Variants in CELF1 observed in about 807,000 individuals in gnomAD.
CELF1 encodes 50 kDa nuclear polyadenylated RNA-binding protein.
CELF1 carries 10 observed loss-of-function variants against 61.8 expected under a neutral mutation model. The observed-to-expected ratio is 0.16, with a 90% CI of 0.10 to 0.27. CELF1 has a LOEUF of 0.27. Among genes scored for constraint, CELF1 ranks in the 10% least tolerant of loss-of-function variants. The pLI, the probability that CELF1 is intolerant of heterozygous loss-of-function variation, is 1.00. For synonymous variants in CELF1, 236 were observed against 225.1 expected, an observed-to-expected ratio of 1.05 and a Z score of -0.43; for missense variants, 380 against 639.1, an observed-to-expected ratio of 0.59 and a Z score of 4.37.
intron 4 of CELF1, among the ~76,000 whole-genome samples, chr11:47,488,015 GA>G (rs1369168397): frequency 6.6e-6 from 1 of 152,132 alleles, no homozygotes; most frequent in African/African-American, 2.4e-5. Context: ...GTCATGTTCA[GA>G]AACTATTATA....
chr11:47,552,842 C>T (rs1420199993), intron 1 of CELF1, 150 bp downstream of exon 1: 3 of 395,252 alleles, frequency 7.6e-6, no homozygotes, highest in Admixed American at 4.4e-5. Flanking sequence ...GCAGCCCTAC[C>T]CCAGGACGCA....
At chr11:47,526,116 G>A (rs2096229639) in intron 1 of CELF1, among the ~76,000 whole-genome samples, 1 of 152,002 alleles carries the variant, frequency 6.6e-6, no homozygotes, top group South Asian at 2.1e-4. Context: ...GATCACCTCA[G>A]GTCCGGAGTT....
At chr11:47,559,556 C>G (rs1196167055) in intron 2 of CELF1, among the ~76,000 whole-genome samples, 1 of 152,098 alleles carries the variant, frequency 6.6e-6, no homozygotes, top group South Asian at 2.1e-4. Context: ...CACTCTGTTG[C>G]CCAGGCTGAT....
In CELF1 at chr11:47,469,788, G is replaced by A. The variant is rs1024854727; in HGVS notation, c.*2442C>T. 2.0e-5 allele frequency: 3 copies of A among 152,404 alleles called. No individual in the cohort carries two copies. The highest frequency in any genetic ancestry group is 7.2e-5 in the African/African-American group (3 of 41,588). 9.4% of individuals were successfully genotyped at this position (152,404 alleles called of 1,614,324 possible). A position where few individuals can be genotyped will look rare whatever the true frequency, so the allele number is the denominator to read the frequency against. ...AAGCCCTCAGGGTCTGGTATCAAAG[G>A]TGGGTGGATTGCACCTTGGCCTCTT... On this transcript the variant is annotated 3_prime_UTR_variant, in exon 15 of 15. Transcript: ENST00000687097.
At chr11:47,558,617 A>AT (rs1246250807) in intron 2 of CELF1, among the ~76,000 whole-genome samples, 46 of 108,978 alleles carry the variant, frequency 4.2e-4, no homozygotes, top group African/African-American at 1.8e-3. Context: ...AAATATGTGC[A>AT]ATATAATATA....
intron 1 of CELF1, among the ~76,000 whole-genome samples, chr11:47,508,699 T>C (rs149987611): frequency 3.8e-4 from 50 of 131,806 alleles, no homozygotes; most frequent in African/African-American, 1.4e-3. Flanking sequence ...CACACACACA[T>C]AAATAAACAA....
At chr11:47,547,088 A>AAAAAAAAAAAAAAAAAAAAAAAAG (rs2096978124) in intron 1 of CELF1, among the ~76,000 whole-genome samples, 1 of 149,526 alleles carries the variant, frequency 6.7e-6, no homozygotes, top group African/African-American at 2.5e-5. Context: ...AAAAAAAAAA[A>AAAAAAAAAAAAAAAAAAAAAAAAG]AAAAAGAAAG....
chr11:47,487,009 T>C, intron 5 of CELF1, 150 bp downstream of exon 5: 1 of 738,874 alleles, frequency 1.4e-6, no homozygotes, highest in Non-Finnish European at 2.3e-6. Flanking sequence ...AGGTAATCTC[T>C]GAACTGCTCC....
chr11:47,510,998 A>G (rs2095101868), intron 1 of CELF1, among the ~76,000 whole-genome samples: 1 of 151,988 alleles, frequency 6.6e-6, no homozygotes. Flanking sequence ...CCTGGGCAAC[A>G]TCATGAAACC....
chr11:47,508,322 G>A (rs1434068840), intron 1 of CELF1, among the ~76,000 whole-genome samples: 1 of 152,126 alleles, frequency 6.6e-6, no homozygotes, highest in Non-Finnish European at 1.5e-5. Flanking sequence ...TTGAAAAACA[G>A]TGTTATTATG....
chr11:47,541,046 G>A (rs1264638820), intron 1 of CELF1, among the ~76,000 whole-genome samples: 2 of 152,206 alleles, frequency 1.3e-5, no homozygotes, highest in Admixed American at 6.5e-5. Context: ...GCTGAGCTAT[G>A]TGACTGCAGT....
In CELF1 at chr11:47,475,479, G is replaced by C. The variant is rs1421364666; in HGVS notation, c.1130C>G (p.Ser377Cys). The change falls in exon 13 of 15, where the codon TCC (serine) becomes TGC (cysteine). Residue 377 changes from serine (S) to cysteine (C), a missense_variant. Physicochemically the swap from Ser to Cys is moderately radical, Grantham distance 112. Coordinates refer to ENST00000687097, the MANE Select transcript of CELF1 (RefSeq NM_001376376.1). Reference sequence around the variant, plus strand: ...CTCCATGGTGCTCCCGGTGCCATTGGAAAGGCCACTGCTGCCCAGGCCACC... The same window carrying C: ...CTCCATGGTGCTCCCGGTGCCATTGCAAAGGCCACTGCTGCCCAGGCCACC... ...LNGGLGSSGLSNGTGSTMEAL... is the reference protein window; with the variant it reads ...LNGGLGSSGLCNGTGSTMEAL... 2 of 1,613,892 alleles carry C rather than the reference G, an allele frequency of 1.2e-6. No homozygotes were observed. The highest frequency in any genetic ancestry group is 1.7e-6 in the Non-Finnish European group (2 of 1,180,044).
intron 1 of CELF1, among the ~76,000 whole-genome samples, chr11:47,503,196 C>A (rs1349843418): frequency 6.6e-6 from 1 of 152,140 alleles, no homozygotes; most frequent in African/African-American, 2.4e-5. Flanking sequence ...GCATTCATTG[C>A]ATTTAGGATA....
rs748461771 is a variant in CELF1, at chr11:47,506,030, T to C, written c.-153-5098A>G. On this transcript the variant is annotated intron_variant, in intron 1 of 14. Transcript: ENST00000687097. ...CTACTAAGTTCCGTCCTCATCTCTG[T>C]TCCAGTGGTGTCCAATCTTTAGGCT... Among the ~76,000 whole-genome samples the C allele has an allele frequency of 1.5e-4, 22 of 151,138 alleles. 4 individuals carry two copies. Among genetic ancestry groups the C allele is most frequent in the Non-Finnish European group, 2.8e-4 (19 of 67,558 alleles).
intron 3 of CELF1, chr11:47,494,596 G>A (rs2092694878): frequency 1.7e-6 from 1 of 586,916 alleles, no homozygotes; most frequent in African/African-American, 2.0e-5. Context: ...CCCCACCCCA[G>A]GCCTATCTCA....
At position 47,514,297 on chromosome 11, in the gene CELF1, A is replaced by T. The variant is rs76250584; in HGVS notation, c.-153-13365T>A. 4.0e-4 allele frequency among the ~76,000 whole-genome samples: 61 copies of T among 152,154 alleles called. 1 individual carries two copies. In the East Asian group the frequency reaches 0.012, roughly 29 times the overall value. On this transcript the variant is annotated intron_variant, in intron 1 of 14. Coordinates refer to ENST00000687097, the MANE Select transcript of CELF1 (RefSeq NM_001376376.1). ...TGCACAACCTACTTTTTTGCACCTA[A>T]CAATGATAAACATTTTCTCGTAAGC...
chr11:47,538,523 C>T (rs971387710), intron 1 of CELF1, among the ~76,000 whole-genome samples: 2 of 151,686 alleles, frequency 1.3e-5, no homozygotes, highest in African/African-American at 4.8e-5. Flanking sequence ...GGCACCTGTA[C>T]TCCCAGCTAC....
rs1035845672 is a variant in CELF1 at position 47,486,031 on chromosome 11, G to A, written c.391+719C>T. Reference sequence around the variant, plus strand: ...AAAAAATTAGCCGGGCGTGGTGGCAGGCACCTGTAGTCCCAGCTACTCGGG... The same window carrying A: ...AAAAAATTAGCCGGGCGTGGTGGCAAGCACCTGTAGTCCCAGCTACTCGGG... On this transcript the variant is annotated intron_variant, in intron 6 of 14. Coordinates refer to ENST00000687097, the MANE Select transcript of CELF1 (RefSeq NM_001376376.1). 2.2e-5 allele frequency among the ~76,000 whole-genome samples: 3 copies of A among 133,618 alleles called. No homozygotes were observed. In the South Asian group the frequency reaches 8.0e-4, roughly 36 times the overall value. The allele number at this position is 133,618 out of a possible 152,430, so 87.7% of individuals were successfully genotyped here.
intron 2 of CELF1, among the ~76,000 whole-genome samples, 172 bp downstream of exon 2, chr11:47,500,689 A>C (rs1234565710): frequency 6.6e-6 from 1 of 152,038 alleles, no homozygotes; most frequent in Non-Finnish European, 1.5e-5. Context: ...AGAGATGGAT[A>C]TACTTAGCAG....
Sources: allele counts gnomAD v4.1 joint callset (sites outside exome capture counted in the v4.1 genomes callset), GRCh38; gene constraint gnomAD v4.1.1; transcripts MANE v1.5; gene names NCBI Gene and HGNC (gene_info 2026-07-23, HGNC 2026-07-21).